Variants in CLSTN1 observed in about 807,000 individuals in gnomAD.
CLSTN1 encodes the protein calsyntenin 1, also known as calsyntenin-1.
Under a neutral mutation model 108.3 loss-of-function variants are expected in CLSTN1, and 28 were observed. That is an observed-to-expected ratio of 0.26 (90% confidence interval 0.19 to 0.35). The LOEUF is 0.35. CLSTN1 is among the 10% of genes least tolerant of loss of function. The pLI is 1.00. For missense variants in CLSTN1, 1,157 were observed against 1,302.6 expected, an observed-to-expected ratio of 0.89 and a Z score of 1.72; for synonymous variants, 524 against 534.9, an observed-to-expected ratio of 0.98 and a Z score of 0.28.
At chr1:9,776,862 T>TTATCTATCTATC (rs70998308) in intron 1 of CLSTN1, among the ~76,000 whole-genome samples, 4,099 of 140,092 alleles carry the variant, frequency 0.029, 56 homozygotes, top group East Asian at 0.044. Flanking sequence ...CTATCAGCAT[T>TTATCTATCTATC]TATCTATCTA....
At chr1:9,801,505 C>T (rs1164599629) in intron 1 of CLSTN1, among the ~76,000 whole-genome samples, 1 of 152,184 alleles carries the variant, frequency 6.6e-6, no homozygotes, top group Non-Finnish European at 1.5e-5. Flanking sequence ...CAATTCTCTA[C>T]AGAAGCAAAG....
Position 9,734,169 on chromosome 1 carries a change from T to C in CLSTN1, c.2111-27A>G. The C allele has an allele frequency of 6.2e-7, 1 of 1,612,380 alleles. No individual in the cohort carries two copies. Among genetic ancestry groups the C allele is most frequent in the Admixed American group, 1.7e-5 (1 of 59,918 alleles). ...TGCAAAAGAGGCCCAACCAGAAATA[T>C]TAAGTAGGGGCAGTGGGGCCCAGCG... On this transcript the variant is annotated intron_variant, in intron 14 of 18. Coordinates refer to ENST00000377298, the MANE Select transcript of CLSTN1 (RefSeq NM_001009566.3). The surrounding 1 kb of genome is among the most constrained non-coding windows in gnomAD (Gnocchi z 4.8).
intron 1 of CLSTN1, among the ~76,000 whole-genome samples, chr1:9,822,463 T>G (rs1655223397): frequency 6.6e-6 from 1 of 152,142 alleles, no homozygotes; most frequent in African/African-American, 2.4e-5. Context: ...AAATAAGAAT[T>G]TTTAAAAAGC....
rs748347711 is a variant in CLSTN1, at chr1:9,741,145, G to C, written c.1468C>G (p.Leu490Val). 6.2e-7 allele frequency: 1 copy of C among 1,614,182 alleles called. No homozygotes were observed. The highest frequency in any genetic ancestry group is 2.2e-5 in the East Asian group (1 of 44,880). Residue 490 changes from leucine to valine, a missense_variant, in exon 10 of 19, where the codon CTC (leucine) becomes GTC (valine). Transcript: ENST00000377298. ...EPFSVTEDYPLHPSKIETQLV... is the reference protein window; with the variant it reads ...EPFSVTEDYPVHPSKIETQLV... ...TGAGTTTCTATCTTGGATGGATGGA[G>C]CGGGTAATCCTCAGTCACAGAGAAG...
At chr1:9,779,886 T>C (rs889173463) in intron 1 of CLSTN1, among the ~76,000 whole-genome samples, 1 of 152,070 alleles carries the variant, frequency 6.6e-6, no homozygotes, top group African/African-American at 2.4e-5. Context: ...TCTCACTCTG[T>C]GGTCCAGGCT....
At position 9,762,832 on chromosome 1, in the gene CLSTN1, G is replaced by A. The variant is rs553689781; in HGVS notation, c.215-6322C>T. Among the ~76,000 whole-genome samples, 6 of 151,782 alleles carry A rather than the reference G, an allele frequency of 4.0e-5. No individual in the cohort carries two copies. In the East Asian group the frequency reaches 7.7e-4, roughly 20 times the overall value. On this transcript the variant is annotated intron_variant, in intron 2 of 18. Transcript: ENST00000377298. ...TCTGCTCCACTCGGCCTTGGTGCCCGCACTCAACGGCTGGGTGTCCGGGCT... is the reference window on the plus strand; with the variant it reads ...TCTGCTCCACTCGGCCTTGGTGCCCACACTCAACGGCTGGGTGTCCGGGCT...
chr1:9,797,434 G>A (rs926553614), intron 1 of CLSTN1, among the ~76,000 whole-genome samples: 5 of 152,148 alleles, frequency 3.3e-5, no homozygotes, highest in Non-Finnish European at 5.9e-5. Context: ...AGTAGTTCAA[G>A]ACCAACCTGG....
At chr1:9,802,317 AAT>A (rs1654307372) in intron 1 of CLSTN1, among the ~76,000 whole-genome samples, 1 of 152,184 alleles carries the variant, frequency 6.6e-6, no homozygotes, top group African/African-American at 2.4e-5. Context: ...GGCCTGGCTA[AAT>A]TATATCAGGC....
intron 17 of CLSTN1, 57 bp downstream of exon 17, chr1:9,731,703 TG>T: frequency 1.9e-6 from 3 of 1,561,946 alleles, no homozygotes; most frequent in African/African-American, 1.4e-5. Context: ...CACGGTGGGG[TG>T]GGGGCAGGGC....
chr1:9,755,092 A>G (rs1384804633), intron 4 of CLSTN1, 22 bp downstream of exon 4: 1 of 1,595,254 alleles, frequency 6.3e-7, no homozygotes, highest in South Asian at 1.1e-5. Context: ...GGTTATGTTC[A>G]CTCTTTGTCC....
At chr1:9,751,706 ATTTTTCTGCTTG>A (rs780449336) in intron 4 of CLSTN1, 25 bp from the exon 5 acceptor site, 140 of 1,601,934 alleles carry the variant, frequency 8.7e-5, no homozygotes, top group Non-Finnish European at 9.8e-5. Flanking sequence ...GGAGAAAAAT[ATTTTTCTGCTTG>A]TTTTCAGTGT....
rs1650203606 is a variant in CLSTN1 at position 9,729,385 on chromosome 1, C to T, written c.*1123G>A. ...TACCACCAAGCAAAGCAGCAGGGCTCCTGGGGGAGAGGGATTTCAACCCCC... is the reference window on the plus strand; with the variant it reads ...TACCACCAAGCAAAGCAGCAGGGCTTCTGGGGGAGAGGGATTTCAACCCCC... On this transcript the variant is annotated 3_prime_UTR_variant, in exon 19 of 19. Coordinates refer to ENST00000377298, the MANE Select transcript of CLSTN1 (RefSeq NM_001009566.3). The T allele has an allele frequency of 2.0e-5, 3 of 152,616 alleles. No individual in the cohort carries two copies. Among genetic ancestry groups the T allele is most frequent in the Admixed American group, 1.3e-4 (2 of 15,282 alleles). 9.5% of individuals were successfully genotyped at this position (152,616 alleles called of 1,614,324 possible).
Position 9,773,334 on chromosome 1 carries a change from T to C in CLSTN1, c.152A>G (p.Asn51Ser). The C allele has an allele frequency of 5.6e-6, 9 of 1,614,190 alleles. No individual in the cohort carries two copies. Among genetic ancestry groups the C allele is most frequent in the Non-Finnish European group, 7.6e-6 (9 of 1,180,034 alleles). ...TYHGIVTENDNTVLLDPPLIA... is the reference protein window; with the variant it reads ...TYHGIVTENDSTVLLDPPLIA... ...CAGTGGGGGGTCGAGGAGCACGGTG[T>C]TGTCGTTCTCTGTGACTATGCCGTG... The change falls in exon 2 of 19, where the codon AAC (asparagine) becomes AGC (serine). Residue 51 changes from asparagine (N) to serine (S), a missense_variant. Coordinates refer to ENST00000377298, the MANE Select transcript of CLSTN1 (RefSeq NM_001009566.3).
In CLSTN1 at chr1:9,773,410, G is replaced by C. The variant is rs1208935014; in HGVS notation, c.92-16C>G. 2.5e-6 allele frequency: 4 copies of C among 1,575,466 alleles called. No individual in the cohort carries two copies. In the South Asian group the frequency reaches 4.6e-5, roughly 18 times the overall value. ...TGCTTGTTAACTGTGTTTAAAACAAGAGAAAAAAATAGACAAGGTTAGAAA... is the reference window on the plus strand; with the variant it reads ...TGCTTGTTAACTGTGTTTAAAACAACAGAAAAAAATAGACAAGGTTAGAAA... On this transcript the variant is annotated splice_polypyrimidine_tract_variant and intron_variant, in intron 1 of 18. Transcript: ENST00000377298.
chr1:9,812,686 A>C (rs1415159691), intron 1 of CLSTN1, among the ~76,000 whole-genome samples: 1 of 151,986 alleles, frequency 6.6e-6, no homozygotes, highest in Non-Finnish European at 1.5e-5. Context: ...ATCTCTACTA[A>C]AAATACAAAA....
chr1:9,767,036 GCT>G (rs1283932697), intron 2 of CLSTN1, among the ~76,000 whole-genome samples: 1 of 152,244 alleles, frequency 6.6e-6, no homozygotes, highest in African/African-American at 2.4e-5. Context: ...CCCAGAGGCG[GCT>G]CTGTCACTTA....
rs140457391 is a variant in CLSTN1, at chr1:9,779,294, C to T, written c.92-5900G>A. ...TATCTTTTTAAAAAAATTTTTAGGACGGGTGCAGTGGCTCATGCCTGTAAT... is the reference window on the plus strand; with the variant it reads ...TATCTTTTTAAAAAAATTTTTAGGATGGGTGCAGTGGCTCATGCCTGTAAT... On this transcript the variant is annotated intron_variant, in intron 1 of 18. Transcript: ENST00000377298. 8.1e-3 allele frequency among the ~76,000 whole-genome samples: 1,235 copies of T among 152,206 alleles called. 14 individuals are homozygous for T. The highest frequency in any genetic ancestry group is 0.031 in the Middle Eastern group (9 of 294).
intron 1 of CLSTN1, among the ~76,000 whole-genome samples, chr1:9,784,064 T>C (rs1433165876): frequency 6.7e-6 from 1 of 149,580 alleles, no homozygotes; most frequent in Admixed American, 6.7e-5. Flanking sequence ...CCCAGATACT[T>C]GGGAGGCTGG....
At chr1:9,820,195 C>T (rs1655139352) in intron 1 of CLSTN1, among the ~76,000 whole-genome samples, 1 of 152,010 alleles carries the variant, frequency 6.6e-6, no homozygotes, top group African/African-American at 2.4e-5. Context: ...GAAAATTTAC[C>T]CACTAATGAA....
Sources: gnomAD v4.1 joint callset for allele counts (sites outside exome capture counted in the v4.1 genomes callset) on GRCh38, gnomAD v4.1.1 for gene constraint, Gnocchi (gnomAD v3.1) non-coding constraint, MANE v1.5 for transcripts, NCBI Gene and HGNC (gene_info 2026-07-23, HGNC 2026-07-21) for gene names.